IL34: variants seen among roughly 807,000 people sequenced by gnomAD.
The protein encoded by IL34 is interleukin-34.
Under a neutral mutation model 25.3 loss-of-function variants are expected in IL34, and 17 were observed. The observed-to-expected ratio is 0.67, with a 90% CI of 0.46 to 1.01. The LOEUF is 1.01. Among genes scored for constraint, IL34 ranks in the 50% least tolerant of loss-of-function variants. The probability of loss-of-function intolerance (pLI) is 0.00; values close to 1 mark genes in which losing one functional copy is unlikely to be tolerated. For missense variants in IL34, 368 were observed against 312.9 expected, an observed-to-expected ratio of 1.18 and a Z score of -1.33; for synonymous variants, 174 against 140.9, an observed-to-expected ratio of 1.23 and a Z score of -1.66.
chr16:70,652,163 T>G (rs1195681853), intron 1 of IL34, among the ~76,000 whole-genome samples: 1 of 149,122 alleles, frequency 6.7e-6, no homozygotes, highest in Admixed American at 6.7e-5. Flanking sequence ...ATAAATGTCC[T>G]GCAAGGCCAA....
intron 4 of IL34, among the ~76,000 whole-genome samples, chr16:70,658,976 G>A (rs962869389): frequency 1.3e-5 from 2 of 152,128 alleles, no homozygotes; most frequent in Admixed American, 6.5e-5. Flanking sequence ...CAGCTTTTTG[G>A]GGGAGGAGAG....
intron 1 of IL34, among the ~76,000 whole-genome samples, chr16:70,601,181 T>C (rs1467719230): frequency 6.6e-6 from 1 of 152,160 alleles, no homozygotes; most frequent in Non-Finnish European, 1.5e-5. Flanking sequence ...TCTGAATCAC[T>C]CTGCATGGAT....
chr16:70,633,113 T>A (rs1221019581), intron 1 of IL34, among the ~76,000 whole-genome samples: 1 of 151,372 alleles, frequency 6.6e-6, no homozygotes, highest in Non-Finnish European at 1.5e-5. Flanking sequence ...CACAGGTGCA[T>A]GCCACCATGC....
chr16:70,595,600 G>T (rs2050810442), intron 1 of IL34, among the ~76,000 whole-genome samples: 1 of 152,038 alleles, frequency 6.6e-6, no homozygotes, highest in South Asian at 2.1e-4. Context: ...TTACAGACAT[G>T]AGCCACTGCG....
chr16:70,591,147 A>G (rs1256949217), intron 1 of IL34, among the ~76,000 whole-genome samples: 1 of 152,206 alleles, frequency 6.6e-6, no homozygotes, highest in East Asian at 1.9e-4. Flanking sequence ...ACTCTCTTGC[A>G]GGCCTCTAAG....
chr16:70,605,749 C>CAACAT (rs1470670906), intron 1 of IL34, among the ~76,000 whole-genome samples: 1 of 152,096 alleles, frequency 6.6e-6, no homozygotes, highest in Non-Finnish European at 1.5e-5. Context: ...CGGCTCACTG[C>CAACAT]AACATCTGCC....
chr16:70,654,945 C>A (rs1480783390), intron 2 of IL34, among the ~76,000 whole-genome samples: 2 of 152,194 alleles, frequency 1.3e-5, no homozygotes, highest in Non-Finnish European at 2.9e-5. Context: ...GGAATGGACA[C>A]CTGGAGCTCT....
At chr16:70,624,825 C>G (rs2051356143) in intron 1 of IL34, among the ~76,000 whole-genome samples, 1 of 151,664 alleles carries the variant, frequency 6.6e-6, no homozygotes, top group African/African-American at 2.4e-5. Flanking sequence ...CTAGCTTGGC[C>G]TGGAGAGGAG....
chr16:70,631,082 G>T (rs1393699262), intron 1 of IL34, among the ~76,000 whole-genome samples: 1 of 152,336 alleles, frequency 6.6e-6, no homozygotes, highest in African/African-American at 2.4e-5. Context: ...AACTGAAGAT[G>T]CAAAATCCAT....
At chr16:70,585,313 C>T (rs1481802126) in intron 1 of IL34, among the ~76,000 whole-genome samples, 1 of 152,096 alleles carries the variant, frequency 6.6e-6, no homozygotes, top group Non-Finnish European at 1.5e-5. Context: ...ACATGGTTCA[C>T]TGCAGGCTCA....
At chr16:70,629,457 C>T (rs1286700331) in intron 1 of IL34, among the ~76,000 whole-genome samples, 2 of 152,100 alleles carry the variant, frequency 1.3e-5, no homozygotes, top group Non-Finnish European at 2.9e-5. Flanking sequence ...GTTCCAGAAC[C>T]CCCCAAAGAT....
At chr16:70,586,122 G>A (rs193016244) in intron 1 of IL34, among the ~76,000 whole-genome samples, 12 of 152,266 alleles carry the variant, frequency 7.9e-5, no homozygotes, top group Admixed American at 1.3e-4. Context: ...ATGAGCCACC[G>A]CCCCCAGCCC....
intron 1 of IL34, among the ~76,000 whole-genome samples, chr16:70,618,416 G>A (rs1007186962): frequency 1.3e-5 from 2 of 152,164 alleles, no homozygotes; most frequent in African/African-American, 4.8e-5. Flanking sequence ...CAAAGAGTGA[G>A]TATAGCTGAA....
Position 70,654,656 on chromosome 16 carries a change from C to A in IL34, c.147C>A (p.Ser49Arg). ...TGCGGGACAAGCTGCAGTACAGGAG[C>A]CGACTTCAGTACATGGTAACCACGT... ...GFLRDKLQYR[S>R]RLQYMKHYFP... Residue 49 changes from serine to arginine, a missense_variant, in exon 2 of 6, where the codon AGC becomes AGA. Physicochemically the swap from Ser to Arg is moderately radical, Grantham distance 110. Transcript: ENST00000288098. 1 of 1,609,778 alleles carries A rather than the reference C, an allele frequency of 6.2e-7. No individual in the cohort carries two copies. The highest frequency in any genetic ancestry group is 1.1e-5 in the South Asian group (1 of 90,750).
upstream of IL34, among the ~76,000 whole-genome samples, chr16:70,642,379 A>G (rs1421293337): frequency 6.6e-6 from 1 of 150,724 alleles, no homozygotes; most frequent in Admixed American, 6.6e-5. Flanking sequence ...CTCACTGCAA[A>G]CTTTGCCCTC....
At chr16:70,587,096 C>T (rs1445617501) in intron 1 of IL34, among the ~76,000 whole-genome samples, 1 of 152,148 alleles carries the variant, frequency 6.6e-6, no homozygotes, top group Non-Finnish European at 1.5e-5. Context: ...TGGGGTTAGT[C>T]TTGCAACTCT....
chr16:70,628,960 G>C (rs923391834), intron 1 of IL34, among the ~76,000 whole-genome samples: 1 of 151,500 alleles, frequency 6.6e-6, no homozygotes, highest in East Asian at 2.0e-4. Context: ...ACTAACTTTT[G>C]TATTTTTAAT....
intron 1 of IL34, among the ~76,000 whole-genome samples, chr16:70,582,378 C>T (rs2050645316): frequency 1.3e-5 from 2 of 152,250 alleles, no homozygotes; most frequent in Admixed American, 6.5e-5. Flanking sequence ...TGTGGGTTCA[C>T]CTGCCCAGCC....
At chr16:70,596,208 T>C (rs2050821246) in intron 1 of IL34, among the ~76,000 whole-genome samples, 1 of 152,150 alleles carries the variant, frequency 6.6e-6, no homozygotes, top group Non-Finnish European at 1.5e-5. Context: ...GTCTCTTTTA[T>C]AAGGGCACTA....
Sources: gnomAD v4.1 joint callset for allele counts (sites outside exome capture counted in the v4.1 genomes callset) on GRCh38, gnomAD v4.1.1 for gene constraint, MANE v1.5 for transcripts, NCBI Gene and HGNC (gene_info 2026-07-23, HGNC 2026-07-21) for gene names.